Variants in TMC8 observed in about 807,000 individuals in gnomAD.
TMC8 encodes the protein transmembrane channel like 8.
In TMC8, 71 loss-of-function variants were observed where a neutral mutation model predicts 76.0. That is an observed-to-expected ratio of 0.93 (90% confidence interval 0.77 to 1.14). The LOEUF is 1.14. Among genes scored for constraint, TMC8 ranks in the 50% most tolerant of loss-of-function variants. The pLI is 0.00. For synonymous variants in TMC8, 433 were observed against 433.8 expected (o/e 1.00, Z 0.02); for missense variants, 924 against 947.9 (o/e 0.97, Z 0.33).
chr17:78,131,254 C>G (rs1326406037), intron 1 of TMC8, 27 bp from the exon 2 acceptor site: 1 of 458,034 alleles, frequency 2.2e-6, no homozygotes, highest in African/African-American at 2.0e-5. Flanking sequence ...TTTCTGTGCC[C>G]TTTGGATCTT....
chr17:78,136,218 C>G (rs2075225243), intron 9 of TMC8, among the ~76,000 whole-genome samples: 1 of 152,206 alleles, frequency 6.6e-6, no homozygotes, highest in African/African-American at 2.4e-5. Flanking sequence ...AAGGCCAACA[C>G]TTTGGAAGGC....
In TMC8 at chr17:78,138,089, C is replaced by T. The variant is rs200178045; in HGVS notation, c.1434C>T (p.Ile478=). 12 of 1,613,986 alleles carry T rather than the reference C, an allele frequency of 7.4e-6. No individual in the cohort carries two copies. Among genetic ancestry groups the T allele is most frequent in the Non-Finnish European group, 1.0e-5 (12 of 1,180,002 alleles). The change falls in exon 12 of 16, where the codon ATC becomes ATT. Residue 478 remains isoleucine, a synonymous_variant. Coordinates refer to ENST00000318430, the MANE Select transcript of TMC8 (RefSeq NM_152468.5). ...TGGTCCCCAAGAATGTGCTGGACAT[C>T]GTGGCGGGGCAGACGGTCACCTGGA... The part of the protein sequence containing the change: ...EFLVPKNVLD[I]VAGQTVTWMG...
chr17:78,133,706 G>C lies in TMC8; in HGVS notation c.669-147G>C, dbSNP rs1240520493. The C allele has an allele frequency of 5.9e-6, 9 of 1,518,218 alleles. No homozygotes were observed. In the East Asian group the frequency reaches 2.1e-4, roughly 36 times the overall value. 94.0% of individuals were successfully genotyped at this position (1,518,218 alleles called of 1,614,324 possible). On this transcript the variant is annotated intron_variant, in intron 6 of 15. Transcript: ENST00000318430. Reference sequence around the variant, plus strand: ...CTCTGGCCGCAAACCTTAGGAACAGGGCCACCGCCCCCTACCCCGACTCCT... The same window carrying C: ...CTCTGGCCGCAAACCTTAGGAACAGCGCCACCGCCCCCTACCCCGACTCCT...
chr17:78,139,336 G>A (rs2075316582), intron 15 of TMC8, 96 bp downstream of exon 15: 2 of 1,407,848 alleles, frequency 1.4e-6, no homozygotes, highest in South Asian at 2.3e-5. Flanking sequence ...AGCGGGTCAG[G>A]TGGGTTCTTC....
chr17:78,136,925 C>T (rs1408960520), intron 9 of TMC8: 3 of 370,994 alleles, frequency 8.1e-6, no homozygotes, highest in Non-Finnish European at 1.6e-5. Context: ...AGTCAGAAAT[C>T]GCTTGAACCC....
In TMC8 at chr17:78,139,018, G is replaced by C. The variant is rs2075307453; in HGVS notation, c.1824-144G>C. 1.9e-6 allele frequency: 3 copies of C among 1,568,672 alleles called. No individual in the cohort carries two copies. In the East Asian group the frequency reaches 6.9e-5, roughly 36 times the overall value. On this transcript the variant is annotated intron_variant, in intron 14 of 15. Coordinates refer to ENST00000318430, the MANE Select transcript of TMC8 (RefSeq NM_152468.5). Reference sequence around the variant, plus strand: ...AGGGGCTCTGCGAGGAAGGAGAGGAGGGTCCCATCCTCAGATACAGCAGTG... The same window carrying C: ...AGGGGCTCTGCGAGGAAGGAGAGGACGGTCCCATCCTCAGATACAGCAGTG...
chr17:78,132,673 C>A, intron 4 of TMC8, 115 bp from the exon 5 acceptor site: 1 of 1,495,002 alleles, frequency 6.7e-7, no homozygotes, highest in Non-Finnish European at 9.3e-7. Context: ...GCCTTTGGCA[C>A]ATCCTCAGCC....
chr17:78,138,544 T>C (rs2145715822), intron 13 of TMC8, 30 bp from the exon 14 acceptor site: 1 of 1,613,646 alleles, frequency 6.2e-7, no homozygotes, highest in Non-Finnish European at 8.5e-7. Flanking sequence ...AGGACCCTGA[T>C]GCCAGCCCCA....
chr17:78,131,720 G>A lies in TMC8; in HGVS notation c.132G>A (p.Met44Ile), dbSNP rs1035585680. 3 of 1,584,856 alleles carry A rather than the reference G, an allele frequency of 1.9e-6. No individual in the cohort carries two copies. The highest frequency in any genetic ancestry group is 2.7e-5 in the African/African-American group (2 of 74,568). The change falls in exon 2 of 16, where the codon ATG becomes ATA. Residue 44 changes from methionine to isoleucine, a missense_variant. Physicochemically the swap from Met to Ile is conservative, Grantham distance 10. Transcript: ENST00000318430. ...TPVRGLPYAM[M>I]DKRLIWQLRE... ...TGCGCGGGCTGCCCTATGCCATGAT[G>A]GACAAGCGCCTCATCTGGTGGGTGC...
intron 15 of TMC8, 102 bp from the exon 16 acceptor site, chr17:78,140,732 T>G: frequency 1.3e-6 from 2 of 1,481,980 alleles, no homozygotes; most frequent in Non-Finnish European, 1.8e-6. Context: ...CTACTTTGGG[T>G]GCGGGCTGGC....
intron 15 of TMC8, among the ~76,000 whole-genome samples, chr17:78,140,485 A>G (rs1332586369): frequency 6.7e-6 from 1 of 149,296 alleles, no homozygotes; most frequent in African/African-American, 2.5e-5. Context: ...GGCGTGGTCT[A>G]GATCTGCATG....
In TMC8 at chr17:78,138,608, AACT is replaced by A; in HGVS notation, c.1703_1705del (p.Tyr568del). 2 of 1,613,876 alleles carry A rather than the reference AACT, an allele frequency of 1.2e-6. No homozygotes were observed. Among genetic ancestry groups the A allele is most frequent in the Non-Finnish European group, 1.7e-6 (2 of 1,180,002 alleles). On this transcript the variant is annotated inframe_deletion, in exon 14 of 16. Coordinates refer to ENST00000318430, the MANE Select transcript of TMC8 (RefSeq NM_152468.5). ...CTCCTGGGACTGCGGCCTCTTCACC[AACT>A]ACTCAGCACCCTGGCAAGTGGTCCC...
Position 78,141,393 on chromosome 17 carries a change from A to T in TMC8, c.*281A>T. 1 of 312,824 alleles carries T rather than the reference A, an allele frequency of 3.2e-6. No individual in the cohort carries two copies. 19.4% of individuals were successfully genotyped at this position (312,824 alleles called of 1,614,324 possible). ...TCTCTTGAATGCGATTTTTTCTAGA[A>T]TGTGTTCTGCTGATTTGTTTTAGAG... is the stretch of plus-strand genomic sequence containing the variant. On this transcript the variant is annotated 3_prime_UTR_variant, in exon 16 of 16. Coordinates refer to ENST00000318430, the MANE Select transcript of TMC8 (RefSeq NM_152468.5).
At chr17:78,134,730 C>T in intron 8 of TMC8, 140 bp from the exon 9 acceptor site, 1 of 1,523,364 alleles carries the variant, frequency 6.6e-7, no homozygotes, top group South Asian at 1.1e-5. Flanking sequence ...CCGCCAACTG[C>T]CAGGCTGCTG....
Position 78,138,016 on chromosome 17 carries a change from ACCGGTTCTCAGG to A in TMC8, c.1370_1381del (p.Ser457_Phe460del). 1 of 1,613,884 alleles carries A rather than the reference ACCGGTTCTCAGG, an allele frequency of 6.2e-7. No individual in the cohort carries two copies. The highest frequency in any genetic ancestry group is 8.5e-7 in the Non-Finnish European group (1 of 1,179,998). On this transcript the variant is annotated inframe_deletion, in exon 12 of 16. Coordinates refer to ENST00000318430, the MANE Select transcript of TMC8 (RefSeq NM_152468.5). Reference sequence around the variant, plus strand: ...TCCCATCCCTGCAGGCTGCTGGTGGACCGGTTCTCAGGCCGGTTCTGGGCCTGGCTGGAACGG... The same window carrying A: ...TCCCATCCCTGCAGGCTGCTGGTGGACCGGTTCTGGGCCTGGCTGGAACGG...
At chr17:78,134,117 G>A in intron 7 of TMC8, 117 bp downstream of exon 7, 2 of 1,479,236 alleles carry the variant, frequency 1.4e-6, no homozygotes, top group Non-Finnish European at 9.4e-7. Flanking sequence ...GTGTGTGTGA[G>A]CGTGTGTGGG....
At chr17:78,134,065 GC>G in intron 7 of TMC8, 65 bp downstream of exon 7, 1 of 1,609,370 alleles carries the variant, frequency 6.2e-7, no homozygotes, top group Non-Finnish European at 8.5e-7. Context: ...GTGCGTGAGA[GC>G]CACGTGTTCC....
At chr17:78,132,120 C>T in intron 3 of TMC8, 90 bp downstream of exon 3, 3 of 1,521,396 alleles carry the variant, frequency 2.0e-6, no homozygotes, top group Non-Finnish European at 2.6e-6. Context: ...ATCCCACCTG[C>T]CTTCACCCGG....
intron 12 of TMC8, 54 bp from the exon 13 acceptor site, chr17:78,138,295 C>T (rs1374542482): frequency 8.7e-6 from 14 of 1,611,258 alleles, no homozygotes; most frequent in African/African-American, 2.7e-5. Context: ...GGTGTCAGCC[C>T]CCTGGGGTCT....
Sources: gnomAD v4.1 joint callset for allele counts (sites outside exome capture counted in the v4.1 genomes callset) on GRCh38, gnomAD v4.1.1 for gene constraint, MANE v1.5 for transcripts, NCBI Gene and HGNC (gene_info 2026-07-23, HGNC 2026-07-21) for gene names.